Variants in NRG3 observed in about 807,000 individuals in gnomAD.
The protein encoded by NRG3 is neuregulin 3.
NRG3 carries 31 observed loss-of-function variants against 66.9 expected under a neutral mutation model. That is an observed-to-expected ratio of 0.46 (90% confidence interval 0.35 to 0.63). The LOEUF is 0.63. Ranked by LOEUF, NRG3 falls within the 20% of genes least tolerant of loss-of-function variation. The probability of loss-of-function intolerance (pLI) is 0.00; values close to 1 mark genes in which losing one functional copy is unlikely to be tolerated. For synonymous variants in NRG3, 393 were observed against 359.4 expected, an observed-to-expected ratio of 1.09 and a Z score of -1.06; for missense variants, 910 against 878.9, an observed-to-expected ratio of 1.04 and a Z score of -0.45.
intron 1 of NRG3, among the ~76,000 whole-genome samples, chr10:82,345,954 C>G (rs1261024633): frequency 4.6e-5 from 7 of 152,120 alleles, no homozygotes; most frequent in African/African-American, 7.2e-5. Context: ...TCAGCTTAAG[C>G]AGATTTTGGG....
At chr10:82,107,046 C>T (rs2132188573) in intron 1 of NRG3, among the ~76,000 whole-genome samples, 1 of 152,282 alleles carries the variant, frequency 6.6e-6, no homozygotes, top group Non-Finnish European at 1.5e-5. Context: ...TATTCAAAGC[C>T]ATACAAAACA....
intron 2 of NRG3, among the ~76,000 whole-genome samples, chr10:82,700,238 G>A (rs1004745232): frequency 3.9e-5 from 6 of 152,078 alleles, no homozygotes; most frequent in Admixed American, 1.3e-4. Flanking sequence ...GAAAATTTCC[G>A]CCCGAGAAAA....
At chr10:82,869,370 T>C (rs944694326) in intron 4 of NRG3, among the ~76,000 whole-genome samples, 2 of 152,150 alleles carry the variant, frequency 1.3e-5, no homozygotes, top group African/African-American at 4.8e-5. Context: ...TAAACCTACA[T>C]TGACTCATCA....
chr10:82,085,636 T>C (rs1465463245), intron 1 of NRG3, among the ~76,000 whole-genome samples: 1 of 151,618 alleles, frequency 6.6e-6, no homozygotes, highest in Non-Finnish European at 1.5e-5. Flanking sequence ...CCCATTCACC[T>C]CTTTTTTTTT....
chr10:82,212,133 G>C (rs2075426463), intron 1 of NRG3, among the ~76,000 whole-genome samples: 1 of 152,088 alleles, frequency 6.6e-6, no homozygotes, highest in Admixed American at 6.6e-5. Context: ...TTTTATGTTA[G>C]TTTGAACCAT....
At chr10:82,024,970 C>T (rs947784776) in intron 1 of NRG3, among the ~76,000 whole-genome samples, 1 of 152,016 alleles carries the variant, frequency 6.6e-6, no homozygotes, top group African/African-American at 2.4e-5. Flanking sequence ...AGCACAGCAT[C>T]CTTCAATCTG....
At chr10:82,801,637 G>T (rs376900131) in intron 3 of NRG3, among the ~76,000 whole-genome samples, 17 of 152,146 alleles carry the variant, frequency 1.1e-4, no homozygotes, top group African/African-American at 3.9e-4. Flanking sequence ...CTACAGAATG[G>T]CAGCAGAGTC....
At chr10:82,922,127 T>G (rs1230504599) in intron 4 of NRG3, among the ~76,000 whole-genome samples, 1 of 151,986 alleles carries the variant, frequency 6.6e-6, no homozygotes, top group Non-Finnish European at 1.5e-5. Flanking sequence ...ATATAGAGAC[T>G]GGGGGGAAGA....
chr10:82,252,474 C>T (rs1243065007), intron 1 of NRG3, among the ~76,000 whole-genome samples: 1 of 152,138 alleles, frequency 6.6e-6, no homozygotes, highest in Non-Finnish European at 1.5e-5. Context: ...TCCATGCCTA[C>T]TTCTATGTGA....
intron 1 of NRG3, among the ~76,000 whole-genome samples, chr10:82,016,893 C>A (rs999677469): frequency 6.6e-6 from 1 of 152,094 alleles, no homozygotes; most frequent in African/African-American, 2.4e-5. Context: ...AGCAGGATTT[C>A]TTTGAGCATG....
At position 82,881,790 on chromosome 10, in the gene NRG3, AC is replaced by A. The variant is rs1842326447; in HGVS notation, c.1054+16357del. On this transcript the variant is annotated intron_variant, in intron 4 of 8. Coordinates refer to ENST00000372141, the MANE Select transcript of NRG3 (RefSeq NM_001010848.4). ...TTAATATAAAGATTGATGATGTAACACCCCACATATGCATTTCTTGACATAC... is the reference window on the plus strand; with the variant it reads ...TTAATATAAAGATTGATGATGTAACACCCACATATGCATTTCTTGACATAC... Among the ~76,000 whole-genome samples, 8 of 152,074 alleles carry A rather than the reference AC, an allele frequency of 5.3e-5. No homozygotes were observed. The South Asian group carries it at 1.5e-3, about 28-fold the overall frequency.
intron 3 of NRG3, among the ~76,000 whole-genome samples, chr10:82,810,737 T>TAAAAAA (rs750726119): frequency 1.4e-5 from 1 of 70,014 alleles, no homozygotes. Context: ...CACTCCAGCC[T>TAAAAAA]AAAAAAAAAA....
chr10:82,028,133 C>T (rs921576690), intron 1 of NRG3, among the ~76,000 whole-genome samples: 9 of 152,094 alleles, frequency 5.9e-5, no homozygotes, highest in African/African-American at 2.2e-4. Flanking sequence ...AGTACTACCT[C>T]TTCCTGCTTT....
In NRG3 at chr10:82,772,704, C is replaced by CTTTT. The variant is rs745609399; in HGVS notation, c.1027+34072_1027+34075dup. ...CATGGTTTCCAGTTTGCTTCCATAT[C>CTTTT]TTTTTTTTTTTTTTTTTTTTTGAGA... On this transcript the variant is annotated intron_variant, in intron 3 of 8. Transcript: ENST00000372141. 1.2e-3 allele frequency among the ~76,000 whole-genome samples: 139 copies of CTTTT among 111,684 alleles called. 3 individuals are homozygous for CTTTT. The highest frequency in any genetic ancestry group is 2.6e-3 in the African/African-American group (69 of 27,052). 73.3% of individuals were successfully genotyped at this position (111,684 alleles called of 152,430 possible). A position where few individuals can be genotyped will look rare whatever the true frequency, so the allele number is the denominator to read the frequency against.
chr10:82,629,858 A>T (rs1416847), intron 2 of NRG3, among the ~76,000 whole-genome samples: 23,909 of 152,198 alleles, frequency 0.16, 2,172 homozygotes, highest in Middle Eastern at 0.29. Flanking sequence ...AAGTCAGAAT[A>T]AAATGATTTC....
Position 82,162,045 on chromosome 10 carries a change from T to C in NRG3, c.824-196694T>C, listed in dbSNP as rs534621980. ...CGGAAGCTTATATATTAAGGGAAACTTCCAGAATGCAATGGAAAATGAAAC... is the reference window on the plus strand; with the variant it reads ...CGGAAGCTTATATATTAAGGGAAACCTCCAGAATGCAATGGAAAATGAAAC... On this transcript the variant is annotated intron_variant, in intron 1 of 8. Coordinates refer to ENST00000372141, the MANE Select transcript of NRG3 (RefSeq NM_001010848.4). Among the ~76,000 whole-genome samples the C allele has an allele frequency of 1.6e-4, 24 of 152,262 alleles. No individual in the cohort carries two copies. In the South Asian group the frequency reaches 1.7e-3, roughly 11 times the overall value.
intron 2 of NRG3, among the ~76,000 whole-genome samples, chr10:82,523,266 G>A (rs1188631608): frequency 6.6e-6 from 1 of 151,806 alleles, no homozygotes; most frequent in Non-Finnish European, 1.5e-5. Flanking sequence ...TTTCTCTTGG[G>A]TATATATCTA....
intron 1 of NRG3, among the ~76,000 whole-genome samples, chr10:82,133,198 C>G (rs1344933224): frequency 6.6e-6 from 1 of 151,890 alleles, no homozygotes; most frequent in Non-Finnish European, 1.5e-5. Context: ...GCTCTTATTG[C>G]TAGAAACTTT....
intron 2 of NRG3, among the ~76,000 whole-genome samples, chr10:82,462,673 A>G (rs1214307813): frequency 6.6e-6 from 1 of 152,040 alleles, no homozygotes; most frequent in East Asian, 1.9e-4. Context: ...TGAGAGGGGA[A>G]GTCTGCCTTG....
Sources: allele counts gnomAD v4.1 joint callset (sites outside exome capture counted in the v4.1 genomes callset), GRCh38; gene constraint gnomAD v4.1.1; transcripts MANE v1.5; gene names NCBI Gene and HGNC (gene_info 2026-07-23, HGNC 2026-07-21).